TBC1D32: variants seen among roughly 807,000 people sequenced by gnomAD.
TBC1D32 encodes TBC1 domain family member 32.
Under a neutral mutation model 170.3 loss-of-function variants are expected in TBC1D32, and 151 were observed. The observed-to-expected ratio is 0.89, with a 90% CI of 0.78 to 1.01. The LOEUF is 1.01. TBC1D32 is among the 50% of genes least tolerant of loss of function. The pLI is 0.00. For missense variants in TBC1D32, 1,464 were observed against 1,457.1 expected (o/e 1.00, Z -0.08); for synonymous variants, 498 against 488.0 (o/e 1.02, Z -0.27).
chr6:121,162,389 G>A (rs1227373032), intron 22 of TBC1D32, among the ~76,000 whole-genome samples: 3 of 152,086 alleles, frequency 2.0e-5, no homozygotes, highest in African/African-American at 4.8e-5. Context: ...CAATGTAACT[G>A]AAGGAACGTA....
intron 11 of TBC1D32, among the ~76,000 whole-genome samples, chr6:121,294,185 A>G (rs1805276292): frequency 6.6e-6 from 1 of 152,286 alleles, no homozygotes; most frequent in East Asian, 1.9e-4. Flanking sequence ...GTTCAAAAAT[A>G]AAAACAACAT....
At chr6:121,142,615 ATCT>A (rs1360376941) in intron 24 of TBC1D32, among the ~76,000 whole-genome samples, 2 of 152,082 alleles carry the variant, frequency 1.3e-5, no homozygotes, top group African/African-American at 4.8e-5. Context: ...CAAACATCTC[ATCT>A]TCTTGAGATG....
intron 12 of TBC1D32, among the ~76,000 whole-genome samples, chr6:121,289,704 CA>C (rs1391989434): frequency 2.0e-5 from 3 of 152,022 alleles, no homozygotes; most frequent in Non-Finnish European, 4.4e-5. Context: ...AATCCTAAGC[CA>C]AAAGAACAAA....
intron 24 of TBC1D32, among the ~76,000 whole-genome samples, chr6:121,132,803 C>T (rs1212274139): frequency 1.3e-5 from 2 of 151,836 alleles, no homozygotes; most frequent in Non-Finnish European, 2.9e-5. Flanking sequence ...TACTTATACC[C>T]ATGAGATTTT....
chr6:121,151,190 C>T (rs941551837), intron 24 of TBC1D32, among the ~76,000 whole-genome samples: 1 of 152,164 alleles, frequency 6.6e-6, no homozygotes, highest in Non-Finnish European at 1.5e-5. Flanking sequence ...CCCAGAGATT[C>T]TGGTACATTG....
chr6:121,085,078 G>T (rs1776040566), intron 31 of TBC1D32, among the ~76,000 whole-genome samples: 1 of 151,182 alleles, frequency 6.6e-6, no homozygotes, highest in Admixed American at 6.6e-5. Context: ...CTTAACAAAA[G>T]TTAAAGACTT....
intron 17 of TBC1D32, among the ~76,000 whole-genome samples, chr6:121,242,604 A>G (rs972778414): frequency 6.6e-6 from 1 of 152,064 alleles, no homozygotes; most frequent in African/African-American, 2.4e-5. Context: ...TTTTTATTAT[A>G]CCCAGGTTCT....
chr6:121,316,519 A>G (rs1808959141), intron 3 of TBC1D32, among the ~76,000 whole-genome samples: 2 of 152,160 alleles, frequency 1.3e-5, no homozygotes, highest in Admixed American at 1.3e-4. Context: ...GGGTTACAGC[A>G]TGAAGAAAAT....
chr6:121,080,974 C>A (rs1775583769), intron 31 of TBC1D32, 84 bp from the exon 32 acceptor site: 2 of 1,501,760 alleles, frequency 1.3e-6, no homozygotes, highest in Admixed American at 2.0e-5. Context: ...ATTGATATAC[C>A]ATTTATTTTC....
At chr6:121,179,315 CAT>C (rs1027924223) in intron 22 of TBC1D32, among the ~76,000 whole-genome samples, 1 of 147,854 alleles carries the variant, frequency 6.8e-6, no homozygotes, top group African/African-American at 2.5e-5. Flanking sequence ...TGTGTGTGTG[CAT>C]GTGTGTGAAA....
intron 22 of TBC1D32, among the ~76,000 whole-genome samples, chr6:121,173,880 T>C (rs1787402436): frequency 7.0e-6 from 1 of 143,796 alleles, no homozygotes; most frequent in African/African-American, 2.6e-5. Context: ...CTCACATCTC[T>C]CCAAAAAGAA....
intron 21 of TBC1D32, among the ~76,000 whole-genome samples, chr6:121,211,521 C>T (rs556913876): frequency 3.9e-5 from 6 of 152,088 alleles, no homozygotes; most frequent in Admixed American, 6.5e-5. Flanking sequence ...TATGCCTTTG[C>T]GTCCTCATAG....
intron 24 of TBC1D32, among the ~76,000 whole-genome samples, chr6:121,139,114 G>A (rs1344827343): frequency 4.6e-5 from 7 of 152,084 alleles, no homozygotes; most frequent in African/African-American, 1.7e-4. Context: ...CCAAAGTGCT[G>A]GGATTACAGG....
intron 30 of TBC1D32, among the ~76,000 whole-genome samples, chr6:121,104,763 T>C (rs1429493489): frequency 6.6e-6 from 1 of 151,744 alleles, no homozygotes; most frequent in Admixed American, 6.6e-5. Flanking sequence ...TTTTACTAGA[T>C]ATGATACAGA....
intron 24 of TBC1D32, among the ~76,000 whole-genome samples, chr6:121,147,110 T>C (rs971000847): frequency 1.3e-5 from 2 of 152,230 alleles, no homozygotes; most frequent in Non-Finnish European, 2.9e-5. Context: ...CTTAGAATAA[T>C]GGCATCCAGC....
intron 30 of TBC1D32, among the ~76,000 whole-genome samples, chr6:121,093,255 A>G (rs1327230289): frequency 6.6e-6 from 1 of 152,092 alleles, no homozygotes; most frequent in Non-Finnish European, 1.5e-5. Flanking sequence ...CCAGACCCCA[A>G]TAAATCCCTG....
chr6:121,309,821 C>T (rs1583688534), intron 4 of TBC1D32, among the ~76,000 whole-genome samples: 1 of 152,146 alleles, frequency 6.6e-6, no homozygotes, highest in East Asian at 1.9e-4. Context: ...ATCACTTGAG[C>T]ACAGTATTTT....
At chr6:121,295,976 G>A (rs534542087) in intron 10 of TBC1D32, among the ~76,000 whole-genome samples, 3 of 152,216 alleles carry the variant, frequency 2.0e-5, no homozygotes, top group Admixed American at 6.5e-5. Flanking sequence ...TGGTTTATGA[G>A]GAATACCTGC....
intron 24 of TBC1D32, among the ~76,000 whole-genome samples, chr6:121,159,671 T>C (rs776411093): frequency 5.2e-4 from 79 of 152,284 alleles, no homozygotes; most frequent in African/African-American, 1.9e-3. Context: ...CTATACAGCA[T>C]GTTACTGTAC....
Sources: gnomAD v4.1 joint callset for allele counts (sites outside exome capture counted in the v4.1 genomes callset) on GRCh38, gnomAD v4.1.1 for gene constraint, MANE v1.5 for transcripts, NCBI Gene and HGNC (gene_info 2026-07-23, HGNC 2026-07-21) for gene names.